Variants in CLK4 observed in about 807,000 individuals in gnomAD.
CLK4 encodes the protein CDC like kinase 4, also known as dual specificity protein kinase CLK4.
A neutral mutation model predicts 64.4 loss-of-function variants in CLK4; 37 were observed. The observed-to-expected ratio is 0.57, with a 90% CI of 0.44 to 0.76. The LOEUF is 0.76. Among genes scored for constraint, CLK4 ranks in the 30% least tolerant of loss-of-function variants. The pLI is 0.00. For missense variants in CLK4, 457 were observed against 605.1 expected (o/e 0.76, Z 2.57); for synonymous variants, 175 against 191.6 (o/e 0.91, Z 0.72).
intron 10 of CLK4, among the ~76,000 whole-genome samples, chr5:178,607,507 CTT>C (rs70997615): frequency 5.1e-5 from 4 of 78,076 alleles, no homozygotes; most frequent in Admixed American, 1.9e-4. Context: ...TACACTTTGT[CTT>C]TTTTTTTTTT....
intron 9 of CLK4, among the ~76,000 whole-genome samples, chr5:178,609,608 G>A (rs893764367): frequency 6.6e-6 from 1 of 151,932 alleles, no homozygotes; most frequent in Non-Finnish European, 1.5e-5. Flanking sequence ...GCTTGAAACC[G>A]GAAGGCAGAG....
At chr5:178,610,805 C>T (rs974845558) in intron 9 of CLK4, among the ~76,000 whole-genome samples, 2 of 151,974 alleles carry the variant, frequency 1.3e-5, no homozygotes, top group Non-Finnish European at 2.9e-5. Context: ...GGCGCGGTGG[C>T]TCACGCCTGT....
chr5:178,610,219 G>C lies in CLK4; in HGVS notation c.1052-1761C>G, dbSNP rs1764537584. 4.6e-5 allele frequency among the ~76,000 whole-genome samples: 7 copies of C among 152,102 alleles called. No individual in the cohort carries two copies. The South Asian group carries it at 1.5e-3, about 32-fold the overall frequency. On this transcript the variant is annotated intron_variant, in intron 9 of 12. Coordinates refer to ENST00000316308, the MANE Select transcript of CLK4 (RefSeq NM_020666.3). ...ACAGGAGAATCGCTTGAACCCGGGA[G>C]GCAGAAGTTGCAGTGAGCCGAGATC...
intron 9 of CLK4, among the ~76,000 whole-genome samples, chr5:178,611,068 A>G (rs1400376430): frequency 1.3e-5 from 2 of 150,984 alleles, no homozygotes; most frequent in African/African-American, 4.9e-5. Flanking sequence ...GTGAAACTCC[A>G]TCTCAAAGAA....
chr5:178,608,305 C>A, intron 10 of CLK4, 71 bp downstream of exon 10: 2 of 1,145,144 alleles, frequency 1.7e-6, no homozygotes, highest in South Asian at 3.1e-5. Flanking sequence ...ATATGGAAGT[C>A]AAAACTTTAG....
intron 1 of CLK4, among the ~76,000 whole-genome samples, chr5:178,625,422 C>CAAAAAAA (rs58734641): frequency 2.5e-5 from 3 of 121,548 alleles, no homozygotes; most frequent in African/African-American, 3.1e-5. Flanking sequence ...GACCCTGTCT[C>CAAAAAAA]AAAAAAAAAA....
At chr5:178,620,025 A>G in intron 2 of CLK4, 1 of 376,292 alleles carries the variant, frequency 2.7e-6, no homozygotes, top group Non-Finnish European at 5.6e-6. Flanking sequence ...ATATGCTGTC[A>G]TTCTTTTTCC....
rs950888339 is a variant in CLK4 at position 178,609,736 on chromosome 5, T to A, written c.1052-1278A>T. ...ATAAAAAATAATAAAAATTTTAAAATATATATATATATATATATATAAATT... is the reference window on the plus strand; with the variant it reads ...ATAAAAAATAATAAAAATTTTAAAAAATATATATATATATATATATAAATT... On this transcript the variant is annotated intron_variant, in intron 9 of 12. Transcript: ENST00000316308. Among the ~76,000 whole-genome samples, 85 of 34,260 alleles carry A rather than the reference T, an allele frequency of 2.5e-3. 1 individual carries two copies. The East Asian group carries it at 0.081, about 33-fold the overall frequency. 22.5% of individuals were successfully genotyped at this position (34,260 alleles called of 152,430 possible).
chr5:178,612,944 TAGG>T (rs1764577628), intron 7 of CLK4, 54 bp from the exon 8 acceptor site: 2 of 910,066 alleles, frequency 2.2e-6, no homozygotes, highest in East Asian at 4.9e-5. Flanking sequence ...TAATTTGTAC[TAGG>T]AGGGAAAGGA....
rs549121825 is a variant in CLK4 at position 178,608,684 on chromosome 5, T to C, written c.1052-226A>G. Among the ~76,000 whole-genome samples, 15 of 152,318 alleles carry C rather than the reference T, an allele frequency of 9.8e-5. 1 individual carries two copies. In the South Asian group the frequency reaches 2.7e-3, roughly 27 times the overall value. ...ATTCTAACTAGGGAGGGGTGCATGT[T>C]ATGTAAAATAAAAGGGGGCTACCAT... is the stretch of plus-strand genomic sequence containing the variant. On this transcript the variant is annotated intron_variant, in intron 9 of 12. Transcript: ENST00000316308.
Position 178,623,457 on chromosome 5 carries a change from T to C in CLK4, c.1-41A>G, listed in dbSNP as rs1764737354. 5 of 1,523,336 alleles carry C rather than the reference T, an allele frequency of 3.3e-6. No homozygotes were observed. The East Asian group carries it at 1.2e-4, about 35-fold the overall frequency. The allele number at this position is 1,523,336 out of a possible 1,614,324, so 94.4% of individuals were successfully genotyped here. A position where few individuals can be genotyped will look rare whatever the true frequency, so the allele number is the denominator to read the frequency against. On this transcript the variant is annotated intron_variant, in intron 1 of 12. Transcript: ENST00000316308. ...AAAAGGGAATTGTGGAGGTTACAGA[T>C]GTGTGATAGGTAAATTATTATATAT...
intron 1 of CLK4, among the ~76,000 whole-genome samples, chr5:178,625,337 T>C (rs1214931659): frequency 1.3e-5 from 2 of 148,776 alleles, no homozygotes; most frequent in Non-Finnish European, 3.0e-5. Flanking sequence ...ACTGGGACAA[T>C]CACTGGAGCC....
chr5:178,612,404 G>T lies in CLK4; in HGVS notation c.1051+12C>A. On this transcript the variant is annotated intron_variant, in intron 9 of 12. Coordinates refer to ENST00000316308, the MANE Select transcript of CLK4 (RefSeq NM_020666.3). ...TTCAATTATAATATTAGAAAGCCTG[G>T]TGTCTACTGACCCAAAATGACCTCG... is the stretch of plus-strand genomic sequence containing the variant. 6.3e-7 allele frequency: 1 copy of T among 1,591,734 alleles called. No individual in the cohort carries two copies. Among genetic ancestry groups the T allele is most frequent in the Non-Finnish European group, 8.6e-7 (1 of 1,167,764 alleles).
At chr5:178,613,364 G>T (rs2113806658) in intron 7 of CLK4, 109 bp downstream of exon 7, 1 of 698,910 alleles carries the variant, frequency 1.4e-6, no homozygotes, top group Non-Finnish European at 2.0e-6. Flanking sequence ...GAGCTTGCTG[G>T]GACCCGAGAG....
chr5:178,617,038 CA>C lies in CLK4; in HGVS notation c.476-91del. ...TGAATGCTTAAGTGTGGAATATTTTCAAATGATCTCTAACAAAGCATAACTA... is the reference window on the plus strand; with the variant it reads ...TGAATGCTTAAGTGTGGAATATTTTCAATGATCTCTAACAAAGCATAACTA... On this transcript the variant is annotated intron_variant, in intron 4 of 12. Coordinates refer to ENST00000316308, the MANE Select transcript of CLK4 (RefSeq NM_020666.3). This position sits in a 1 kb window ranked among gnomAD's most constrained non-coding sequence, Gnocchi z 5.2. 1.1e-6 allele frequency: 1 copy of C among 886,384 alleles called. No individual in the cohort carries two copies. Among genetic ancestry groups the C allele is most frequent in the Non-Finnish European group, 1.8e-6 (1 of 543,384 alleles). The allele number at this position is 886,384 out of a possible 1,614,324, so 54.9% of individuals were successfully genotyped here. A position where few individuals can be genotyped will look rare whatever the true frequency, so the allele number is the denominator to read the frequency against.
intron 1 of CLK4, among the ~76,000 whole-genome samples, chr5:178,625,360 G>A (rs1008728345): frequency 2.0e-5 from 3 of 150,006 alleles, no homozygotes; most frequent in Non-Finnish European, 2.9e-5. Flanking sequence ...AGGAAGTCAA[G>A]GCTGCAGTGA....
intron 9 of CLK4, among the ~76,000 whole-genome samples, chr5:178,609,271 TTTCA>T (rs755280598): frequency 3.9e-5 from 6 of 152,356 alleles, no homozygotes; most frequent in Admixed American, 2.0e-4. Context: ...TTTCAATTAC[TTTCA>T]TTATCACTGA....
At chr5:178,624,942 TAATTC>T (rs1764758399) in intron 1 of CLK4, among the ~76,000 whole-genome samples, 1 of 152,206 alleles carries the variant, frequency 6.6e-6, no homozygotes, top group Non-Finnish European at 1.5e-5. Context: ...TTGCTGATTC[TAATTC>T]TATACCCATC....
intron 9 of CLK4, among the ~76,000 whole-genome samples, chr5:178,609,173 G>A (rs1050232459): frequency 6.6e-6 from 1 of 152,106 alleles, no homozygotes; most frequent in Non-Finnish European, 1.5e-5. Context: ...CTGGGAAGGA[G>A]AAAGAACCAA....
Sources: gnomAD v4.1 joint callset for allele counts (sites outside exome capture counted in the v4.1 genomes callset) on GRCh38, gnomAD v4.1.1 for gene constraint, Gnocchi (gnomAD v3.1) non-coding constraint, MANE v1.5 for transcripts, NCBI Gene and HGNC (gene_info 2026-07-23, HGNC 2026-07-21) for gene names.